SHROOM2: variants seen among roughly 807,000 people sequenced by gnomAD.
The protein encoded by SHROOM2 is shroom family member 2.
Under a neutral mutation model 75.9 loss-of-function variants are expected in SHROOM2, and 33 were observed. That is an observed-to-expected ratio of 0.43 (90% CI 0.33 to 0.58). The LOEUF (loss-of-function observed/expected upper bound fraction) is 0.58, where lower values mean the gene tolerates loss of function less well. Among genes scored for constraint, SHROOM2 ranks in the 20% least tolerant of loss-of-function variants. The pLI, the probability that SHROOM2 is intolerant of heterozygous loss-of-function variation, is 0.04. For synonymous variants in SHROOM2, 655 were observed against 663.6 expected, an observed-to-expected ratio of 0.99 and a Z score of 0.20; for missense variants, 1,434 against 1,461.2, an observed-to-expected ratio of 0.98 and a Z score of 0.30.
At chrX:9,894,275 G>T in intron 3 of SHROOM2, 83 bp from the exon 4 acceptor site, 1 of 939,564 alleles carries the variant, frequency 1.1e-6, no homozygotes, top group Non-Finnish European at 1.5e-6. Context: ...TTCCACAGAG[G>T]GTCAGCTGCG....
In SHROOM2 at chrX:9,948,728, C is replaced by T. The variant is rs1602038963; in HGVS notation, c.*1791C>T. 1 of 113,119 alleles carries T rather than the reference C, an allele frequency of 8.8e-6. No homozygotes were observed. The highest frequency in any genetic ancestry group is 3.2e-5 in the African/African-American group (1 of 31,073). 9.3% of individuals were successfully genotyped at this position (113,119 alleles called of 1,213,427 possible). On this transcript the variant is annotated 3_prime_UTR_variant, in exon 10 of 10. Coordinates refer to ENST00000380913, the MANE Select transcript of SHROOM2 (RefSeq NM_001649.4). ...AAATGTCTTTCCAAAAGTGTGTATT[C>T]CTGTTAAATTAAGCTCTTGCTAACT...
At chrX:9,809,301 G>C (rs755939243) in intron 1 of SHROOM2, among the ~76,000 whole-genome samples, 19 of 111,241 alleles carry the variant, frequency 1.7e-4, no homozygotes, top group Admixed American at 5.8e-4. Flanking sequence ...GAAAGATGTA[G>C]GCTAGACCAG....
intron 1 of SHROOM2, among the ~76,000 whole-genome samples, chrX:9,857,522 A>C (rs34263952): frequency 9.3e-6 from 1 of 107,608 alleles, no homozygotes; most frequent in African/African-American, 3.4e-5. Flanking sequence ...GAGTAGCTGG[A>C]ACTACAGGCA....
At chrX:9,860,339 A>G (rs1278420754) in intron 1 of SHROOM2, among the ~76,000 whole-genome samples, 1 of 112,061 alleles carries the variant, frequency 8.9e-6, no homozygotes, top group Non-Finnish European at 1.9e-5. Context: ...GCTCTTACAG[A>G]TGGTCCTGGT....
At chrX:9,804,407 T>G (rs775437380) in intron 1 of SHROOM2, among the ~76,000 whole-genome samples, 1 of 112,109 alleles carries the variant, frequency 8.9e-6, no homozygotes, top group South Asian at 3.7e-4. Context: ...TACCTAAGAC[T>G]TTCAACAATC....
chrX:9,878,429 C>T (rs1175958948), intron 2 of SHROOM2, among the ~76,000 whole-genome samples: 1 of 112,239 alleles, frequency 8.9e-6, no homozygotes, highest in Admixed American at 9.4e-5. Flanking sequence ...TTTGCGAGAC[C>T]ATGTGGTGTG....
intron 1 of SHROOM2, among the ~76,000 whole-genome samples, chrX:9,807,206 C>T (rs182160422): frequency 9.8e-5 from 11 of 112,101 alleles, no homozygotes; most frequent in Admixed American, 3.8e-4. Flanking sequence ...CAGCCAGCCC[C>T]GTCGCCATGC....
At chrX:9,932,144 G>A (rs922519838) in intron 5 of SHROOM2, 31 bp from the exon 6 acceptor site, 2 of 1,099,029 alleles carry the variant, frequency 1.8e-6, no homozygotes, top group Non-Finnish European at 2.4e-6. Context: ...TATTGGAATC[G>A]TTGATTAATT....
intron 1 of SHROOM2, among the ~76,000 whole-genome samples, chrX:9,828,338 C>T (rs1024369685): frequency 1.3e-4 from 15 of 112,090 alleles, no homozygotes; most frequent in African/African-American, 3.6e-4. Context: ...GACACAGAAC[C>T]GAACCATATC....
chrX:9,834,073 TG>T (rs1190872620), intron 1 of SHROOM2, among the ~76,000 whole-genome samples: 1 of 112,588 alleles, frequency 8.9e-6, no homozygotes, highest in East Asian at 2.8e-4. Flanking sequence ...TGTCTTAAGA[TG>T]GGGGGATGCC....
chrX:9,909,523 CTG>C (rs2084410177), intron 5 of SHROOM2, among the ~76,000 whole-genome samples: 1 of 112,391 alleles, frequency 8.9e-6, no homozygotes, highest in African/African-American at 3.2e-5. Flanking sequence ...AGTGGAGAAA[CTG>C]GTGTATACCA....
At chrX:9,937,711 G>A in intron 7 of SHROOM2, 26 bp downstream of exon 7, 2 of 1,105,243 alleles carry the variant, frequency 1.8e-6, no homozygotes, top group African/African-American at 1.8e-5. Flanking sequence ...CTCCCAGCTT[G>A]GGCGTGACTC....
chrX:9,807,362 A>G (rs1601916750), intron 1 of SHROOM2, among the ~76,000 whole-genome samples: 1 of 112,299 alleles, frequency 8.9e-6, no homozygotes, highest in South Asian at 3.7e-4. Flanking sequence ...GGCAAATGTC[A>G]GAGTGTCCCC....
At chrX:9,880,761 C>T (rs1261856476) in intron 2 of SHROOM2, among the ~76,000 whole-genome samples, 1 of 111,459 alleles carries the variant, frequency 9.0e-6, no homozygotes, top group Admixed American at 9.5e-5. Context: ...ATGTCACTTG[C>T]TAATTTATTC....
intron 1 of SHROOM2, among the ~76,000 whole-genome samples, chrX:9,824,916 G>A (rs926894044): frequency 9.0e-6 from 1 of 111,623 alleles, no homozygotes; most frequent in East Asian, 2.8e-4. Context: ...ACACTTGGGC[G>A]GCTTTCTCCC....
chrX:9,792,044 T>G lies in SHROOM2; in HGVS notation c.165+5334T>G, dbSNP rs373108571. Among the ~76,000 whole-genome samples, 26 of 23,938 alleles carry G rather than the reference T, an allele frequency of 1.1e-3. 2 individuals are homozygous for G. The highest frequency in any genetic ancestry group is 0.018 in the Middle Eastern group (1 of 56). The allele number at this position is 23,938 out of a possible 115,157, so 20.8% of individuals were successfully genotyped here. On this transcript the variant is annotated intron_variant, in intron 1 of 9. Coordinates refer to ENST00000380913, the MANE Select transcript of SHROOM2 (RefSeq NM_001649.4). The stretch of plus-strand genomic sequence containing the variant: ...TAGAATAGAATAGAATAGAATAGAA[T>G]AGAATAGAATAGAATAGAATAGAAT...
At chrX:9,942,409 C>T (rs2084780208) in intron 8 of SHROOM2, among the ~76,000 whole-genome samples, 1 of 111,157 alleles carries the variant, frequency 9.0e-6, no homozygotes, top group South Asian at 3.8e-4. Flanking sequence ...TCTCATCCCA[C>T]GGGTTGAGGG....
intron 1 of SHROOM2, among the ~76,000 whole-genome samples, chrX:9,816,828 C>T: frequency 9.0e-6 from 1 of 111,244 alleles, no homozygotes; most frequent in East Asian, 2.8e-4. Context: ...AAACCTTCAC[C>T]TCTTCATCAT....
intron 1 of SHROOM2, among the ~76,000 whole-genome samples, chrX:9,808,678 G>A (rs191640827): frequency 0.02 from 2,202 of 110,371 alleles, 57 homozygotes; most frequent in African/African-American, 0.063. Context: ...CCTGGCCAAC[G>A]TGGTGAAACC....
Sources: gnomAD v4.1 joint callset for allele counts (sites outside exome capture counted in the v4.1 genomes callset) on GRCh38, gnomAD v4.1.1 for gene constraint, MANE v1.5 for transcripts, NCBI Gene and HGNC (gene_info 2026-07-23, HGNC 2026-07-21) for gene names.